The following GRID2 variants were observed in gnomAD, a reference collection of about 807,000 sequenced individuals.
The protein encoded by GRID2 is glutamate receptor ionotropic, delta-2.
GRID2 carries 33 observed loss-of-function variants against 114.8 expected under a neutral mutation model. The observed-to-expected ratio is 0.29, with a 90% CI of 0.22 to 0.38. GRID2 has a LOEUF of 0.38. Among genes scored for constraint, GRID2 ranks in the 10% least tolerant of loss-of-function variants. GRID2 has a pLI of 1.00. For synonymous variants in GRID2, 505 were observed against 449.9 expected, an observed-to-expected ratio of 1.12 and a Z score of -1.55; for missense variants, 1,184 against 1,257.7, an observed-to-expected ratio of 0.94 and a Z score of 0.89.
intron 2 of GRID2, among the ~76,000 whole-genome samples, chr4:92,795,703 T>A (rs1353391685): frequency 6.6e-6 from 1 of 152,044 alleles, no homozygotes; most frequent in Non-Finnish European, 1.5e-5. Context: ...AAAAATAGTC[T>A]TGAATAATTG....
chr4:92,694,753 C>T (rs1358573614), intron 2 of GRID2, among the ~76,000 whole-genome samples: 1 of 152,104 alleles, frequency 6.6e-6, no homozygotes, highest in Non-Finnish European at 1.5e-5. Context: ...GAAACTTGTG[C>T]ATATCTTATT....
At chr4:93,147,621 A>G (rs1736384286) in intron 4 of GRID2, among the ~76,000 whole-genome samples, 1 of 152,176 alleles carries the variant, frequency 6.6e-6, no homozygotes, top group African/African-American at 2.4e-5. Context: ...GTGAGCCATT[A>G]GCTGATTGCT....
intron 1 of GRID2, among the ~76,000 whole-genome samples, chr4:92,568,252 G>A (rs1239868654): frequency 2.6e-5 from 4 of 151,972 alleles, no homozygotes; most frequent in Non-Finnish European, 4.4e-5. Flanking sequence ...AGGAAGAGGC[G>A]GAATACTAGG....
At chr4:92,329,573 A>G (rs1726771903) in intron 1 of GRID2, among the ~76,000 whole-genome samples, 1 of 152,068 alleles carries the variant, frequency 6.6e-6, no homozygotes, top group African/African-American at 2.4e-5. Flanking sequence ...AGTTGTTAGG[A>G]GGCCCAAATG....
intron 10 of GRID2, among the ~76,000 whole-genome samples, chr4:93,449,351 A>G (rs972666774): frequency 2.6e-5 from 4 of 152,080 alleles, no homozygotes; most frequent in African/African-American, 9.7e-5. Flanking sequence ...TACTACAAGC[A>G]ATATGTACAA....
intron 4 of GRID2, among the ~76,000 whole-genome samples, chr4:93,155,838 G>A (rs1268897068): frequency 6.6e-6 from 1 of 151,750 alleles, no homozygotes; most frequent in Non-Finnish European, 1.5e-5. Context: ...GAGGGCATGG[G>A]GGGTAGTGGT....
At chr4:93,351,629 A>C (rs899429855) in intron 8 of GRID2, among the ~76,000 whole-genome samples, 1 of 152,070 alleles carries the variant, frequency 6.6e-6, no homozygotes, top group Non-Finnish European at 1.5e-5. Flanking sequence ...TGATAATAGG[A>C]AGGGCAACTA....
At chr4:92,458,926 A>C (rs895437097) in intron 1 of GRID2, among the ~76,000 whole-genome samples, 1 of 152,176 alleles carries the variant, frequency 6.6e-6, no homozygotes, top group African/African-American at 2.4e-5. Flanking sequence ...CCATGCTCTG[A>C]GCAGGTAATG....
intron 2 of GRID2, among the ~76,000 whole-genome samples, chr4:92,637,779 A>C (rs1579736148): frequency 6.6e-6 from 1 of 152,134 alleles, no homozygotes; most frequent in African/African-American, 2.4e-5. Flanking sequence ...ATTAGTAGAA[A>C]GAATTGTATA....
chr4:93,606,935 T>C (rs1740305250), intron 13 of GRID2, among the ~76,000 whole-genome samples: 1 of 152,194 alleles, frequency 6.6e-6, no homozygotes. Context: ...CTTTACTGTA[T>C]ACCTAAAAAT....
At chr4:93,619,667 A>G (rs1405776282) in intron 13 of GRID2, among the ~76,000 whole-genome samples, 1 of 152,232 alleles carries the variant, frequency 6.6e-6, no homozygotes, top group Non-Finnish European at 1.5e-5. Context: ...TTAGAGAGCA[A>G]TGGCTACAAA....
intron 2 of GRID2, among the ~76,000 whole-genome samples, chr4:92,798,429 A>C (rs1739995376): frequency 6.6e-6 from 1 of 152,050 alleles, no homozygotes; most frequent in African/African-American, 2.4e-5. Context: ...GTCAGTCAGG[A>C]TTTCCCCTTG....
intron 14 of GRID2, among the ~76,000 whole-genome samples, chr4:93,728,614 G>A (rs1408364173): frequency 6.6e-6 from 1 of 152,028 alleles, no homozygotes; most frequent in Non-Finnish European, 1.5e-5. Context: ...TTATTGTGTT[G>A]GAGTCTAAGT....
At chr4:93,545,246 G>A (rs1358594493) in intron 13 of GRID2, among the ~76,000 whole-genome samples, 2 of 152,174 alleles carry the variant, frequency 1.3e-5, no homozygotes, top group African/African-American at 2.4e-5. Context: ...ATGGAAGAAG[G>A]AAATAGAAAT....
At chr4:92,963,036 G>A (rs1752923349) in intron 2 of GRID2, among the ~76,000 whole-genome samples, 1 of 151,918 alleles carries the variant, frequency 6.6e-6, no homozygotes, top group Non-Finnish European at 1.5e-5. Flanking sequence ...TCTTAAGTAT[G>A]CAATAGCACT....
intron 1 of GRID2, among the ~76,000 whole-genome samples, chr4:92,439,101 G>GT (rs1732882051): frequency 1.3e-5 from 2 of 151,840 alleles, no homozygotes; most frequent in African/African-American, 4.8e-5. Flanking sequence ...ATTTGGGTAG[G>GT]TAAAGGAAAA....
intron 2 of GRID2, among the ~76,000 whole-genome samples, chr4:92,962,525 A>T (rs1041012367): frequency 2.0e-5 from 3 of 151,958 alleles, no homozygotes; most frequent in Non-Finnish European, 2.9e-5. Flanking sequence ...TCCCTTTCCC[A>T]GGTCATGTAG....
chr4:93,216,633 T>C, intron 5 of GRID2, 105 bp from the exon 6 acceptor site: 1 of 752,548 alleles, frequency 1.3e-6, no homozygotes, highest in Non-Finnish European at 2.2e-6. Context: ...AACCAATATA[T>C]TACAGTAACA....
chr4:92,538,791 A>T (rs1725778728), intron 1 of GRID2, among the ~76,000 whole-genome samples: 1 of 152,178 alleles, frequency 6.6e-6, no homozygotes, highest in South Asian at 2.1e-4. Flanking sequence ...ATGGCAAGTC[A>T]GAGTATGGTG....
Sources: allele counts gnomAD v4.1 joint callset (sites outside exome capture counted in the v4.1 genomes callset), GRCh38; gene constraint gnomAD v4.1.1; transcripts MANE v1.5; gene names NCBI Gene and HGNC (gene_info 2026-07-23, HGNC 2026-07-21).